Variants in IFT74 observed in about 807,000 individuals in gnomAD.
IFT74 encodes the protein intraflagellar transport 74, also known as intraflagellar transport protein 74 homolog.
In IFT74, 92 loss-of-function variants were observed where a neutral mutation model predicts 96.7. The ratio of observed to expected loss-of-function variants is 0.95; its 90% CI spans 0.80 to 1.13. The LOEUF is 1.13. Ranked by LOEUF, IFT74 falls within the 50% of genes most tolerant of loss-of-function variation. IFT74 has a pLI of 0.00. For missense variants in IFT74, 811 were observed against 698.2 expected (o/e 1.16, Z -1.82); for synonymous variants, 223 against 213.2 (o/e 1.05, Z -0.40).
At chr9:26,964,456 T>G (rs564552074) in intron 2 of IFT74, among the ~76,000 whole-genome samples, 4 of 151,762 alleles carry the variant, frequency 2.6e-5, no homozygotes, top group African/African-American at 7.3e-5. Flanking sequence ...GGCTCTTTTT[T>G]GGTTCCATAT....
In IFT74 at chr9:26,984,234, CATTCTT is replaced by C; in HGVS notation, c.306-19_306-14del. On this transcript the variant is annotated splice_polypyrimidine_tract_variant and intron_variant, in intron 4 of 19. Transcript: ENST00000380062. Reference sequence around the variant, plus strand: ...TTTTCTGGATTAAAAGTATTGCTGACATTCTTATTTCTTTTCTAATAGAAGTAAAAT... The same window carrying C: ...TTTTCTGGATTAAAAGTATTGCTGACATTTCTTTTCTAATAGAAGTAAAAT... 1 of 1,527,672 alleles carries C rather than the reference CATTCTT, an allele frequency of 6.5e-7. No individual in the cohort carries two copies. Among genetic ancestry groups the C allele is most frequent in the Non-Finnish European group, 8.8e-7 (1 of 1,130,752 alleles). The allele number at this position is 1,527,672 out of a possible 1,614,324, so 94.6% of individuals were successfully genotyped here.
At position 26,978,004 on chromosome 9, in the gene IFT74, A is replaced by G. The variant is rs555558337; in HGVS notation, c.121-124A>G. The G allele has an allele frequency of 1.1e-4, 80 of 722,094 alleles. No homozygotes were observed. The Admixed American group carries it at 2.2e-3, about 19-fold the overall frequency. 44.7% of individuals were successfully genotyped at this position (722,094 alleles called of 1,614,324 possible). ...TTAATAATTCAGACATTTAAAAAAT[A>G]AGGAAATTTTTACAAATCAAGTAGA... On this transcript the variant is annotated intron_variant, in intron 2 of 19. Transcript: ENST00000380062.
At chr9:27,036,650 C>A in intron 13 of IFT74, 1 of 1,397,010 alleles carries the variant, frequency 7.2e-7, no homozygotes, top group South Asian at 1.8e-5. Context: ...GCATTTTATT[C>A]ATTGGCTACT....
chr9:26,952,771 T>C (rs1230705777), upstream of IFT74, among the ~76,000 whole-genome samples: 1 of 152,180 alleles, frequency 6.6e-6, no homozygotes, highest in Non-Finnish European at 1.5e-5. Flanking sequence ...CACCTTACTT[T>C]ATATATCTTG....
intron 2 of IFT74, among the ~76,000 whole-genome samples, chr9:26,973,484 G>T (rs763901115): frequency 1.3e-5 from 2 of 152,092 alleles, no homozygotes; most frequent in African/African-American, 4.8e-5. Flanking sequence ...AGTTTTTCTC[G>T]ATTCCCTTCT....
chr9:27,032,693 C>A (rs1445329375), intron 13 of IFT74, among the ~76,000 whole-genome samples: 3 of 151,858 alleles, frequency 2.0e-5, no homozygotes, highest in Non-Finnish European at 4.4e-5. Context: ...TGGTGAAACC[C>A]CATCTCTATT....
chr9:27,000,423 T>C (rs528212173), intron 8 of IFT74, among the ~76,000 whole-genome samples: 1 of 152,316 alleles, frequency 6.6e-6, no homozygotes, highest in South Asian at 2.1e-4. Context: ...ATTGGCATTA[T>C]CTATCTATTA....
chr9:27,060,713 CT>C, intron 19 of IFT74, 62 bp downstream of exon 19: 1 of 1,203,970 alleles, frequency 8.3e-7, no homozygotes, highest in South Asian at 1.5e-5. Context: ...AGTCCCAACA[CT>C]TTGGGAGGCC....
intron 9 of IFT74, 66 bp from the exon 10 acceptor site, chr9:27,011,840 C>G: frequency 1.0e-6 from 1 of 996,054 alleles, no homozygotes. Context: ...CAGCTCCCTC[C>G]CCCCACTACA....
intron 16 of IFT74, among the ~76,000 whole-genome samples, chr9:27,051,001 G>A (rs571345727): frequency 1.3e-5 from 2 of 152,220 alleles, no homozygotes; most frequent in African/African-American, 4.8e-5. Context: ...GAACTGACGT[G>A]AGGCTATTTA....
At chr9:27,048,343 T>C in intron 16 of IFT74, 69 bp downstream of exon 16, 1 of 1,120,924 alleles carries the variant, frequency 8.9e-7, no homozygotes, top group Non-Finnish European at 1.2e-6. Context: ...TCTGATTATT[T>C]TAAAGCCTCA....
intron 2 of IFT74, among the ~76,000 whole-genome samples, chr9:26,973,174 T>C (rs1587263350): frequency 6.6e-6 from 1 of 152,178 alleles, no homozygotes; most frequent in East Asian, 1.9e-4. Context: ...TGTGAACCAC[T>C]GATGATCATA....
chr9:26,955,099 A>G (rs559614032), upstream of IFT74, among the ~76,000 whole-genome samples: 2 of 152,326 alleles, frequency 1.3e-5, no homozygotes, highest in Non-Finnish European at 2.9e-5. Context: ...AATATCTGTC[A>G]GGGTCCTTAA....
At chr9:27,029,887 T>C (rs986310470) in intron 13 of IFT74, among the ~76,000 whole-genome samples, 2 of 152,194 alleles carry the variant, frequency 1.3e-5, no homozygotes, top group Admixed American at 1.3e-4. Context: ...CACCCAGGTC[T>C]AGTAATGAAG....
At chr9:26,963,708 A>C (rs903475852) in intron 2 of IFT74, among the ~76,000 whole-genome samples, 1 of 152,174 alleles carries the variant, frequency 6.6e-6, no homozygotes, top group Admixed American at 6.5e-5. Context: ...TCTGATGGCC[A>C]GTGATGATGA....
At chr9:26,997,330 C>CTTTTTTTTTTTTTTTT (rs773530183) in intron 8 of IFT74, among the ~76,000 whole-genome samples, 3 of 123,604 alleles carry the variant, frequency 2.4e-5, no homozygotes, top group African/African-American at 2.9e-5. Flanking sequence ...GTTTCCTTTC[C>CTTTTTTTTTTTTTTTT]TTTTTTTTTT....
intron 12 of IFT74, among the ~76,000 whole-genome samples, chr9:27,021,833 T>G (rs1428887005): frequency 6.6e-6 from 1 of 152,216 alleles, no homozygotes; most frequent in Non-Finnish European, 1.5e-5. Context: ...TTAGTTTAAT[T>G]AAGTCCCATC....
chr9:27,059,223 A>G lies in IFT74; in HGVS notation c.1624-1368A>G, dbSNP rs182821347. On this transcript the variant is annotated intron_variant, in intron 18 of 19. Coordinates refer to ENST00000380062, the MANE Select transcript of IFT74 (RefSeq NM_025103.4). The stretch of plus-strand genomic sequence containing the variant: ...TATTTGTCATCTTTTGTGAATCCCA[A>G]CTGATTAAGTCAAATCCTGGTCTTC... Among the ~76,000 whole-genome samples, 33 of 152,336 alleles carry G rather than the reference A, an allele frequency of 2.2e-4. 1 individual carries two copies. In the East Asian group the frequency reaches 5.6e-3, roughly 26 times the overall value.
At chr9:27,015,938 CT>C (rs922361077) in intron 10 of IFT74, among the ~76,000 whole-genome samples, 3 of 151,804 alleles carry the variant, frequency 2.0e-5, no homozygotes, top group African/African-American at 7.3e-5. Context: ...CCATTCCTAC[CT>C]TTTTTTTGGT....
Sources: gnomAD v4.1 joint callset for allele counts (sites outside exome capture counted in the v4.1 genomes callset) on GRCh38, gnomAD v4.1.1 for gene constraint, MANE v1.5 for transcripts, NCBI Gene and HGNC (gene_info 2026-07-23, HGNC 2026-07-21) for gene names.